APC2: variants seen among roughly 807,000 people sequenced by gnomAD.
APC2 encodes APC regulator of Wnt signaling pathway 2.
APC2 carries 41 observed loss-of-function variants against 72.5 expected under a neutral mutation model. The observed-to-expected ratio is 0.57, with a 90% CI of 0.44 to 0.73. APC2 has a LOEUF of 0.73. Among genes scored for constraint, APC2 ranks in the 30% least tolerant of loss-of-function variants. The probability of loss-of-function intolerance (pLI) is 0.00; values close to 1 mark genes in which losing one functional copy is unlikely to be tolerated. For synonymous variants in APC2, 1,898 were observed against 1,612.0 expected (o/e 1.18, Z -4.25); for missense variants, 3,729 against 3,403.4 (o/e 1.10, Z -2.38).
At chr19:1,460,401 C>T in intron 11 of APC2, 81 bp downstream of exon 11, 2 of 1,586,214 alleles carry the variant, frequency 1.3e-6, no homozygotes, top group Middle Eastern at 1.7e-4. Context: ...TCATCCCAGC[C>T]TCGAAACAGC....
At chr19:1,463,416 C>CAAAAA (rs77093731) in intron 14 of APC2, among the ~76,000 whole-genome samples, 1 of 98,570 alleles carries the variant, frequency 1.0e-5, no homozygotes, top group African/African-American at 3.5e-5. Flanking sequence ...GACTCTGTCT[C>CAAAAA]AAAAAAAAAA....
chr19:1,465,687 C>G lies in APC2; in HGVS notation c.2386C>G (p.Pro796Ala), dbSNP rs764422596. Residue 796 changes from proline to alanine, a missense_variant, in exon 15 of 15, where the codon CCA (proline) becomes GCA (alanine). Pro to Ala is a conservative substitution (Grantham distance 27). Transcript: ENST00000590469. ...GGCTGCGGCCGCGGCCACCGGGGAG[C>G]CAGCCAGCCCTGCCGCGCTGTCCCT... ...SLAAAAATGE[P>A]ASPAALSLFL... 4.4e-6 allele frequency: 7 copies of G among 1,592,262 alleles called. No individual in the cohort carries two copies. The South Asian group carries it at 6.8e-5, about 15-fold the overall frequency.
rs535463565 is a variant in APC2, at chr19:1,461,679, C to T, written c.1639-284C>T. On this transcript the variant is annotated intron_variant, in intron 13 of 14. Coordinates refer to ENST00000590469, the MANE Select transcript of APC2 (RefSeq NM_005883.3). ...CATCCTGGCTAACACGGTGAAACCC[C>T]GTCTCTACTAAAAATACAAAAAATT... 265 of 435,072 alleles carry T rather than the reference C, an allele frequency of 6.1e-4. 3 individuals carry two copies. The highest frequency in any genetic ancestry group is 4.9e-3 in the Middle Eastern group (8 of 1,644). 27.0% of individuals were successfully genotyped at this position (435,072 alleles called of 1,614,324 possible). A position where few individuals can be genotyped will look rare whatever the true frequency, so the allele number is the denominator to read the frequency against.
At chr19:1,461,725 G>C (rs1245721986) in intron 13 of APC2, 28 of 518,762 alleles carry the variant, frequency 5.4e-5, no homozygotes, top group Non-Finnish European at 8.8e-5. Flanking sequence ...GGTGGCGGGT[G>C]TCTGTAGTCC....
intron 14 of APC2, 110 bp from the exon 15 acceptor site, chr19:1,465,045 C>G: frequency 8.0e-7 from 1 of 1,252,678 alleles, no homozygotes; most frequent in Non-Finnish European, 1.1e-6. Context: ...TTCCAAGATC[C>G]AAACCTAACC....
In APC2 at chr19:1,457,199, TGCAGGCCCGAGACG is replaced by T. The variant is rs1488541549; in HGVS notation, c.1166_1179del (p.Gln389ArgfsTer31). On this transcript the variant is annotated frameshift_variant, in exon 9 of 15. Coordinates refer to ENST00000590469, the MANE Select transcript of APC2 (RefSeq NM_005883.3). LOFTEE classifies it high-confidence loss of function. Reference sequence around the variant, plus strand: ...TACTGCGAGACCTGCTGGGACTGGCTGCAGGCCCGAGACGGCGGGCCCGAGGGAGGTGGCGCCGG... The same window carrying T: ...TACTGCGAGACCTGCTGGGACTGGCTGCGGGCCCGAGGGAGGTGGCGCCGG... 1.3e-6 allele frequency: 2 copies of T among 1,558,220 alleles called. No individual in the cohort carries two copies. The highest frequency in any genetic ancestry group is 8.7e-7 in the Non-Finnish European group (1 of 1,154,550).
chr19:1,454,758 G>A (rs888315011), intron 4 of APC2, among the ~76,000 whole-genome samples: 1 of 152,030 alleles, frequency 6.6e-6, no homozygotes, highest in Non-Finnish European at 1.5e-5. Flanking sequence ...TAGCAGAGAC[G>A]GGGTTTCACC....
chr19:1,460,633 T>C (rs2083907662), intron 11 of APC2, 147 bp from the exon 12 acceptor site: 4 of 942,236 alleles, frequency 4.2e-6, no homozygotes, highest in Non-Finnish European at 6.3e-6. Flanking sequence ...TTTCCCGACC[T>C]GAGCATGGGG....
At position 1,467,958 on chromosome 19, in the gene APC2, A is replaced by C. The variant is rs2084052007; in HGVS notation, c.4657A>C (p.Lys1553Gln). 6.3e-7 allele frequency: 1 copy of C among 1,581,914 alleles called. No homozygotes were observed. Residue 1553 changes from lysine to glutamine, a missense_variant, in exon 15 of 15, where the codon AAG becomes CAG. By Grantham distance (53) the Lys-to-Gln change is moderately conservative. Transcript: ENST00000590469. Reference sequence around the variant, plus strand: ...CCGGAAGGAGGCCCCTGCCCCGTCCAAGGCTGCACCAGCTGCCCCGCCGCC... The same window carrying C: ...CCGGAAGGAGGCCCCTGCCCCGTCCCAGGCTGCACCAGCTGCCCCGCCGCC... ...QGRKEAPAPS[K>Q]AAPAAPPPAR...
At chr19:1,458,234 C>T (rs2083869234) in intron 10 of APC2, 174 bp downstream of exon 10, 1 of 635,188 alleles carries the variant, frequency 1.6e-6, no homozygotes, top group African/African-American at 1.8e-5. Flanking sequence ...GACCGTCACC[C>T]TGGGCCCTCT....
rs370108571 is a variant in APC2 at position 1,466,370 on chromosome 19, A to C, written c.3069A>C (p.Pro1023=). ...CCCTCGCGGGGCCTGGAATCTCTCC[A>C]GGGGCCCGGAAGCAGGCCTGGCTGC... ...AEPLAGPGIS[P]GARKQAWLPA... is the part of the protein sequence containing the mutation. Residue 1023 remains proline, a synonymous_variant, in exon 15 of 15, where the codon CCA becomes CCC. Coordinates refer to ENST00000590469, the MANE Select transcript of APC2 (RefSeq NM_005883.3). 98 of 1,584,210 alleles carry C rather than the reference A, an allele frequency of 6.2e-5. 1 individual carries two copies. Among genetic ancestry groups the C allele is most frequent in the South Asian group, 4.7e-4 (42 of 88,638 alleles).
chr19:1,457,269 C>T, intron 9 of APC2, 26 bp downstream of exon 9: 1 of 1,491,968 alleles, frequency 6.7e-7, no homozygotes. Context: ...GGTGGGCCCC[C>T]TCCGCGCAAT....
At position 1,468,831 on chromosome 19, in the gene APC2, C is replaced by A; in HGVS notation, c.5530C>A (p.His1844Asn). 6.4e-7 allele frequency: 1 copy of A among 1,551,390 alleles called. No homozygotes were observed. The highest frequency in any genetic ancestry group is 2.4e-5 in the East Asian group (1 of 41,432). The change falls in exon 15 of 15, where the codon CAC (histidine) becomes AAC (asparagine). Residue 1844 changes from histidine (H) to asparagine (N), a missense_variant. By Grantham distance (68) the His-to-Asn change is moderately conservative. Transcript: ENST00000590469. The part of the protein sequence containing the change: ...SPGQQRSRSL[H>N]RPAKTSELAT... ...CGGGCAGCAGCGGTCGCGGAGCCTA[C>A]ACCGGCCTGCCAAGACCTCGGAGCT...
At chr19:1,450,776 A>AGT (rs369970774) in intron 1 of APC2, among the ~76,000 whole-genome samples, 38 of 152,222 alleles carry the variant, frequency 2.5e-4, no homozygotes, top group African/African-American at 8.7e-4. Context: ...GCCTTCAGGG[A>AGT]GTGATCGCTC....
chr19:1,455,348 G>A (rs763545966), intron 5 of APC2, 36 bp from the exon 6 acceptor site: 4 of 1,598,702 alleles, frequency 2.5e-6, no homozygotes, highest in South Asian at 1.1e-5. Context: ...TGGCCCGGGC[G>A]CCCCTCACCG....
At chr19:1,448,861 A>AAAAAAG (rs376451283), upstream of APC2, among the ~76,000 whole-genome samples, 1 of 150,004 alleles carries the variant, frequency 6.7e-6, no homozygotes, top group East Asian at 1.9e-4. Flanking sequence ...AAAAAAAGAA[A>AAAAAAG]AAAAAGAAAA....
chr19:1,456,391 CG>C lies in APC2; in HGVS notation c.806del (p.Gly269AlafsTer151). 1 of 1,603,260 alleles carries C rather than the reference CG, an allele frequency of 6.2e-7. No homozygotes were observed. The highest frequency in any genetic ancestry group is 2.2e-5 in the East Asian group (1 of 44,490). On this transcript the variant is annotated frameshift_variant, in exon 8 of 15. Coordinates refer to ENST00000590469, the MANE Select transcript of APC2 (RefSeq NM_005883.3). LOFTEE classifies it high-confidence loss of function. Reference protein sequence around the residue: ...PTHPEDGTPQPGNSKVEVVFW... With the variant: ...PTHPEDGTPQXGNSKVEVVFW... ...CACCCTGAGGATGGCACCCCTCAGC[CG>C]GGCAACAGCAAGGTGAGGGGGAGGG...
Position 1,469,045 on chromosome 19 carries a change from C to T in APC2, c.5744C>T (p.Thr1915Ile), listed in dbSNP as rs779484273. ...ASPVPKTPAR[T>I]LLAKQHKTQR... Reference sequence around the variant, plus strand: ...CCGGTGCCCAAAACGCCGGCGCGCACCCTTCTGGCGAAGCAGCACAAGACG... The same window carrying T: ...CCGGTGCCCAAAACGCCGGCGCGCATCCTTCTGGCGAAGCAGCACAAGACG... The change falls in exon 15 of 15, where the codon ACC becomes ATC. Residue 1915 changes from threonine to isoleucine, a missense_variant. Physicochemically the swap from Thr to Ile is moderately conservative, Grantham distance 89. Coordinates refer to ENST00000590469, the MANE Select transcript of APC2 (RefSeq NM_005883.3). 3 of 1,539,766 alleles carry T rather than the reference C, an allele frequency of 1.9e-6. No homozygotes were observed. The East Asian group carries it at 7.6e-5, about 39-fold the overall frequency.
intron 10 of APC2, among the ~76,000 whole-genome samples, chr19:1,459,309 A>G (rs531074480): frequency 2.0e-5 from 3 of 151,768 alleles, no homozygotes; most frequent in Non-Finnish European, 2.9e-5. Context: ...GGTTTAAGCG[A>G]TTCTCCTGCC....
Sources: gnomAD v4.1 joint callset for allele counts (sites outside exome capture counted in the v4.1 genomes callset) on GRCh38, gnomAD v4.1.1 for gene constraint, MANE v1.5 for transcripts, NCBI Gene and HGNC (gene_info 2026-07-23, HGNC 2026-07-21) for gene names.